Variants in TRMT11 observed in about 807,000 individuals in gnomAD.
TRMT11 encodes tRNA methyltransferase 11.
A neutral mutation model predicts 62.8 loss-of-function variants in TRMT11; 53 were observed. That is an observed-to-expected ratio of 0.84 (90% CI 0.68 to 1.06). TRMT11 has a LOEUF of 1.06. Among genes scored for constraint, TRMT11 ranks in the 50% least tolerant of loss-of-function variants. The pLI, the probability that TRMT11 is intolerant of heterozygous loss-of-function variation, is 0.00. For missense variants in TRMT11, 556 were observed against 553.4 expected (o/e 1.00, Z -0.05); for synonymous variants, 188 against 190.3 (o/e 0.99, Z 0.10).
In TRMT11 at chr6:126,108,655, A is replaced by G. The variant is rs575011906; in HGVS notation, c.*1438-4211A>G. On this transcript the variant is annotated intron_variant and NMD_transcript_variant, in intron 17 of 22. Transcript: ENST00000648977. ...CTCCTTCTCTAGAACATTAATTTAT[A>G]GTTCATTGAATGTGGTGCTCTAGAA... Among the ~76,000 whole-genome samples the G allele has an allele frequency of 1.3e-3, 205 of 152,346 alleles. 3 individuals are homozygous for G. The East Asian group carries it at 0.033, about 24-fold the overall frequency.
downstream of TRMT11, among the ~76,000 whole-genome samples, chr6:126,207,469 CTTAA>C (rs1778801377): frequency 6.6e-6 from 1 of 152,220 alleles, no homozygotes; most frequent in Admixed American, 6.5e-5. Context: ...TCTGGGTTGT[CTTAA>C]TTCTCTTTGG....
chr6:126,046,605 G>A (rs775288988), intron 16 of TRMT11, among the ~76,000 whole-genome samples: 16 of 152,116 alleles, frequency 1.1e-4, no homozygotes, highest in Non-Finnish European at 1.8e-4. Flanking sequence ...ATATGCTGGG[G>A]GACTTTATAG....
At chr6:126,162,546 C>G (rs950893335) in intron 21 of TRMT11, among the ~76,000 whole-genome samples, 1 of 152,126 alleles carries the variant, frequency 6.6e-6, no homozygotes, top group Non-Finnish European at 1.5e-5. Flanking sequence ...GCTATGCAGC[C>G]TCTTTTTTGG....
At chr6:126,115,612 G>C (rs1777578041) in intron 20 of TRMT11, among the ~76,000 whole-genome samples, 1 of 152,084 alleles carries the variant, frequency 6.6e-6, no homozygotes, top group Admixed American at 6.6e-5. Context: ...AAATGTACAT[G>C]TTACTCAAGA....
In TRMT11 at chr6:126,126,984, G is replaced by A. The variant is rs571949757; in HGVS notation, c.*1823+11129G>A. 8.7e-4 allele frequency among the ~76,000 whole-genome samples: 133 copies of A among 152,174 alleles called. 6 individuals carry two copies. The South Asian group carries it at 0.027, about 31-fold the overall frequency. ...TTCCTCTGATAATCCTATTGCCCTTGTATTTTGCCTAATTTCTTCAAGAGA... is the reference window on the plus strand; with the variant it reads ...TTCCTCTGATAATCCTATTGCCCTTATATTTTGCCTAATTTCTTCAAGAGA... On this transcript the variant is annotated intron_variant and NMD_transcript_variant, in intron 21 of 22. Transcript: ENST00000648977.
the TRMT11 span, among the ~76,000 whole-genome samples, chr6:126,263,192 A>G: frequency 6.6e-6 from 1 of 152,196 alleles, no homozygotes; most frequent in East Asian, 1.9e-4. Context: ...ATTTTAAATT[A>G]AAAGGAATTA....
chr6:126,040,548 T>C (rs866364822), downstream of TRMT11, among the ~76,000 whole-genome samples: 8 of 152,120 alleles, frequency 5.3e-5, no homozygotes, highest in Non-Finnish European at 8.8e-5. Context: ...ACTTTCGGCG[T>C]AAGTTACAGC....
intron 3 of TRMT11, among the ~76,000 whole-genome samples, chr6:126,201,081 C>T (rs968185698): frequency 6.6e-6 from 1 of 152,188 alleles, no homozygotes; most frequent in Non-Finnish European, 1.5e-5. Flanking sequence ...CTGCCAATAT[C>T]ATATTCCATA....
the TRMT11 span, among the ~76,000 whole-genome samples, chr6:126,227,524 T>G: frequency 6.6e-6 from 1 of 152,186 alleles, no homozygotes; most frequent in Non-Finnish European, 1.5e-5. Flanking sequence ...CTCTACAGAA[T>G]ATTTGCCGAT....
chr6:126,211,303 C>T, the TRMT11 span, among the ~76,000 whole-genome samples: 2 of 152,268 alleles, frequency 1.3e-5, no homozygotes, highest in South Asian at 4.1e-4. Flanking sequence ...TGCTTTGACC[C>T]TGCTAGAAAT....
At chr6:126,124,336 T>C (rs1777684073) in intron 21 of TRMT11, among the ~76,000 whole-genome samples, 1 of 152,096 alleles carries the variant, frequency 6.6e-6, no homozygotes, top group African/African-American at 2.4e-5. Context: ...GAGCTGAATG[T>C]GGGCATGGAA....
intron 1 of TRMT11, among the ~76,000 whole-genome samples, chr6:126,192,823 G>A (rs1385170641): frequency 6.6e-6 from 1 of 152,060 alleles, no homozygotes; most frequent in African/African-American, 2.4e-5. Context: ...TCTCATTAAT[G>A]TGTTTGCTAA....
At chr6:126,258,353 G>A in the TRMT11 span, 90 of 374,522 alleles carry the variant, frequency 2.4e-4, no homozygotes, top group Non-Finnish European at 4.0e-4. Flanking sequence ...CGGCTGCCAG[G>A]GCCATGTACG....
At chr6:126,081,435 A>C (rs150862824) in intron 17 of TRMT11, among the ~76,000 whole-genome samples, 101 of 152,316 alleles carry the variant, frequency 6.6e-4, no homozygotes, top group African/African-American at 2.4e-3. Flanking sequence ...GGTCTTCTAC[A>C]TTACGATATT....
chr6:126,186,487 TG>T (rs576605861), intron 1 of TRMT11, among the ~76,000 whole-genome samples: 69 of 152,302 alleles, frequency 4.5e-4, no homozygotes, highest in Non-Finnish European at 9.1e-4. Flanking sequence ...ATTCTGATTT[TG>T]GAAAAGAAAG....
intron 12 of TRMT11, among the ~76,000 whole-genome samples, chr6:126,030,995 G>A (rs555516250): frequency 6.6e-6 from 1 of 152,232 alleles, no homozygotes; most frequent in East Asian, 1.9e-4. Flanking sequence ...ATAGGGAGCG[G>A]TGCAGGAGAT....
At chr6:126,173,321 A>T (rs951438248), upstream of TRMT11, among the ~76,000 whole-genome samples, 1 of 152,150 alleles carries the variant, frequency 6.6e-6, no homozygotes, top group Non-Finnish European at 1.5e-5. Context: ...ATTGAGTAAC[A>T]TTCTCCCCGT....
chr6:126,093,621 A>ATTTTTTTTTTT (rs1225083747), intron 17 of TRMT11, among the ~76,000 whole-genome samples: 1 of 90,248 alleles, frequency 1.1e-5, no homozygotes, highest in African/African-American at 9.5e-5. Context: ...ATATATATAT[A>ATTTTTTTTTTT]TATATATATA....
chr6:126,057,444 G>A (rs1009437334), intron 17 of TRMT11, among the ~76,000 whole-genome samples: 35 of 152,216 alleles, frequency 2.3e-4, no homozygotes, highest in African/African-American at 8.4e-4. Flanking sequence ...TGCCCTATTA[G>A]GGGATGTCTA....
Sources: allele counts gnomAD v4.1 joint callset (sites outside exome capture counted in the v4.1 genomes callset), GRCh38; gene constraint gnomAD v4.1.1; transcripts MANE v1.5; gene names NCBI Gene and HGNC (gene_info 2026-07-23, HGNC 2026-07-21).